BTBD9: variants seen among roughly 807,000 people sequenced by gnomAD.
BTBD9 encodes the protein BTB/POZ domain-containing protein 9.
BTBD9 carries 49 observed loss-of-function variants against 64.3 expected under a neutral mutation model. The ratio of observed to expected loss-of-function variants is 0.76; its 90% CI spans 0.61 to 0.97. The LOEUF is 0.97. Among genes scored for constraint, BTBD9 ranks in the 50% least tolerant of loss-of-function variants. The probability of loss-of-function intolerance (pLI) is 0.00; values close to 1 mark genes in which losing one functional copy is unlikely to be tolerated. For missense variants in BTBD9, 598 were observed against 762.1 expected, an observed-to-expected ratio of 0.78 and a Z score of 2.53; for synonymous variants, 260 against 274.7, an observed-to-expected ratio of 0.95 and a Z score of 0.53.
intron 6 of BTBD9, among the ~76,000 whole-genome samples, chr6:38,397,900 T>C (rs535028030): frequency 1.3e-5 from 2 of 152,282 alleles, no homozygotes; most frequent in African/African-American, 4.8e-5. Context: ...CAAGTGCAAA[T>C]GCAGAGAGTT....
chr6:38,609,877 T>C (rs886234201), intron 1 of BTBD9, among the ~76,000 whole-genome samples: 2 of 152,204 alleles, frequency 1.3e-5, no homozygotes, highest in Non-Finnish European at 2.9e-5. Context: ...CCAACTCAGC[T>C]AAAGCACCAA....
chr6:38,604,190 T>C (rs1286056987), intron 1 of BTBD9, among the ~76,000 whole-genome samples: 3 of 152,242 alleles, frequency 2.0e-5, no homozygotes, highest in Admixed American at 2.0e-4. Flanking sequence ...GGAGTTCACA[T>C]GACAGGATTC....
chr6:38,394,427 G>GT (rs1766574762), intron 6 of BTBD9, among the ~76,000 whole-genome samples: 1 of 152,098 alleles, frequency 6.6e-6, no homozygotes, highest in Non-Finnish European at 1.5e-5. Flanking sequence ...GAAGGGAGAA[G>GT]TTTTTTGTGG....
intron 1 of BTBD9, among the ~76,000 whole-genome samples, chr6:38,600,492 G>A (rs768356542): frequency 5.3e-5 from 8 of 151,984 alleles, no homozygotes; most frequent in Non-Finnish European, 8.8e-5. Context: ...TGTTGGTCAG[G>A]AAATTCAGAA....
chr6:38,499,427 T>C (rs1027116681), intron 6 of BTBD9, among the ~76,000 whole-genome samples: 7 of 152,254 alleles, frequency 4.6e-5, no homozygotes, highest in African/African-American at 9.6e-5. Context: ...GGGAACTTTA[T>C]AGACAATAGC....
intron 6 of BTBD9, among the ~76,000 whole-genome samples, chr6:38,401,543 A>G (rs368296865): frequency 1.1e-4 from 17 of 152,360 alleles, no homozygotes; most frequent in African/African-American, 4.1e-4. Context: ...TTCCCAAAGG[A>G]GGAACAGAAT....
intron 6 of BTBD9, among the ~76,000 whole-genome samples, chr6:38,464,150 G>C (rs1459942013): frequency 6.6e-6 from 1 of 152,174 alleles, no homozygotes; most frequent in Non-Finnish European, 1.5e-5. Context: ...TGTGGGTACA[G>C]GAGGAAGGCA....
intron 1 of BTBD9, among the ~76,000 whole-genome samples, chr6:38,633,729 T>C (rs1739624): frequency 0.069 from 10,573 of 152,270 alleles, 910 homozygotes; most frequent in African/African-American, 0.2. Context: ...ACAGTACTTA[T>C]CGTATTCTTT....
chr6:38,265,079 A>C (rs902996415), intron 8 of BTBD9, among the ~76,000 whole-genome samples: 9 of 152,044 alleles, frequency 5.9e-5, no homozygotes, highest in Admixed American at 1.3e-4. Flanking sequence ...TTTCTCTAAA[A>C]GGGGAAGAAA....
intron 9 of BTBD9, among the ~76,000 whole-genome samples, chr6:38,210,163 C>T (rs1322804721): frequency 2.0e-5 from 3 of 152,188 alleles, no homozygotes; most frequent in Non-Finnish European, 4.4e-5. Context: ...CTCCTTGATT[C>T]CCCTAAGGGG....
chr6:38,596,004 C>T (rs1421089360), intron 2 of BTBD9: 1 of 985,302 alleles, frequency 1.0e-6, no homozygotes. Context: ...CCAACTTCAA[C>T]AAGGAGACAA....
At chr6:38,631,908 C>A (rs1778375723) in intron 1 of BTBD9, among the ~76,000 whole-genome samples, 1 of 152,214 alleles carries the variant, frequency 6.6e-6, no homozygotes, top group African/African-American at 2.4e-5. Flanking sequence ...GCGGGCAGAT[C>A]ATCTGAGGTC....
intron 4 of BTBD9, among the ~76,000 whole-genome samples, chr6:38,581,917 T>C (rs887515034): frequency 6.6e-6 from 1 of 152,208 alleles, no homozygotes; most frequent in Non-Finnish European, 1.5e-5. Context: ...ATAAGAGAAC[T>C]ATGTATGTTT....
rs1318101702 is a variant in BTBD9, at chr6:38,391,229, T to G, written c.1155-46136A>C. On this transcript the variant is annotated intron_variant, in intron 6 of 10. Coordinates refer to ENST00000481247, the MANE Select transcript of BTBD9 (RefSeq NM_001099272.2). ...CTCTCAAAGGTTTTACATACTATCC[T>G]TTTTATCAAGTCTTAAGTTACAAAT... Among the ~76,000 whole-genome samples the G allele has an allele frequency of 2.6e-5, 4 of 152,244 alleles. No homozygotes were observed. In the East Asian group the frequency reaches 7.7e-4, roughly 29 times the overall value.
intron 8 of BTBD9, among the ~76,000 whole-genome samples, chr6:38,263,129 A>C (rs1311813849): frequency 6.6e-6 from 1 of 152,252 alleles, no homozygotes; most frequent in Non-Finnish European, 1.5e-5. Context: ...GTTAAAGTGA[A>C]AGATACTCCT....
intron 9 of BTBD9, among the ~76,000 whole-genome samples, chr6:38,199,601 G>C (rs561997346): frequency 6.6e-6 from 1 of 152,318 alleles, no homozygotes; most frequent in East Asian, 1.9e-4. Context: ...AGTAGACTTG[G>C]AGGAACACAT....
rs531536527 is a variant in BTBD9 at position 38,217,627 on chromosome 6, C to T, written c.1563-25030G>A. 4.6e-5 allele frequency among the ~76,000 whole-genome samples: 7 copies of T among 151,712 alleles called. No homozygotes were observed. In the East Asian group the frequency reaches 7.7e-4, roughly 17 times the overall value. On this transcript the variant is annotated intron_variant, in intron 9 of 10. Transcript: ENST00000481247. The stretch of plus-strand genomic sequence containing the variant: ...GGCTGTGATGGAACAGAATGTCTAA[C>T]AGACTAGGAATCACAACATCTGGGT...
At chr6:38,293,599 A>G (rs1467119082) in intron 7 of BTBD9, among the ~76,000 whole-genome samples, 1 of 152,262 alleles carries the variant, frequency 6.6e-6, no homozygotes. Flanking sequence ...TGGTGCTGGG[A>G]AAACTGGCTA....
intron 6 of BTBD9, among the ~76,000 whole-genome samples, chr6:38,468,761 T>C (rs1475969394): frequency 1.3e-5 from 2 of 152,190 alleles, no homozygotes; most frequent in African/African-American, 2.4e-5. Flanking sequence ...ATTTGGTGAA[T>C]GAACCAATGA....
Sources: gnomAD v4.1 joint callset for allele counts (sites outside exome capture counted in the v4.1 genomes callset) on GRCh38, gnomAD v4.1.1 for gene constraint, MANE v1.5 for transcripts, NCBI Gene and HGNC (gene_info 2026-07-23, HGNC 2026-07-21) for gene names.